The following GALNT13 variants were observed in gnomAD, a reference collection of about 807,000 sequenced individuals.
The protein encoded by GALNT13 is polypeptide N-acetylgalactosaminyltransferase 13, also known as UDP-GalNAc:polypeptide N-acetylgalactosaminyltransferase 13.
Under a neutral mutation model 64.2 loss-of-function variants are expected in GALNT13, and 28 were observed. The ratio of observed to expected loss-of-function variants is 0.44; its 90% CI spans 0.32 to 0.60. GALNT13 has a LOEUF of 0.60. GALNT13 is among the 20% of genes least tolerant of loss of function. The pLI is 0.05. For synonymous variants in GALNT13, 214 were observed against 224.6 expected (o/e 0.95, Z 0.42); for missense variants, 577 against 669.8 (o/e 0.86, Z 1.53).
intron 12 of GALNT13, among the ~76,000 whole-genome samples, chr2:154,448,890 T>C (rs1218006388): frequency 2.6e-5 from 4 of 151,942 alleles, no homozygotes; most frequent in African/African-American, 9.7e-5. Flanking sequence ...AGGGATCTAA[T>C]AGAAGTATGC....
rs148941547 is a variant in GALNT13 at position 154,301,585 on chromosome 2, C to T, written c.1152C>T (p.Ser384=). ...DEFKDFFYII[S]PGVVKVDYGD... is the part of the protein sequence containing the mutation. ...TTAAAGATTTCTTCTACATCATATCCCCAGGTACACAATTCTGACATTTTT... is the reference window on the plus strand; with the variant it reads ...TTAAAGATTTCTTCTACATCATATCTCCAGGTACACAATTCTGACATTTTT... The change falls in exon 9 of 13, where the codon TCC becomes TCT. Residue 384 remains serine (S), a synonymous_variant. Coordinates refer to ENST00000392825, the MANE Select transcript of GALNT13 (RefSeq NM_052917.4). 7.2e-4 allele frequency: 1,153 copies of T among 1,598,656 alleles called. 14 individuals are homozygous for T. The highest frequency in any genetic ancestry group is 4.1e-3 in the South Asian group (365 of 89,860).
chr2:153,855,296 A>G, the GALNT13 span, among the ~76,000 whole-genome samples: 1 of 152,214 alleles, frequency 6.6e-6, no homozygotes, highest in Non-Finnish European at 1.5e-5. Context: ...TAGGGAAAAT[A>G]TTCCTTAAAT....
intron 4 of GALNT13, among the ~76,000 whole-genome samples, chr2:154,162,019 G>A (rs891895073): frequency 3.3e-5 from 5 of 152,138 alleles, no homozygotes; most frequent in Non-Finnish European, 7.4e-5. Context: ...CTGACCTTGT[G>A]ATCCGCCCGT....
At chr2:154,004,346 C>T (rs1696112350) in intron 3 of GALNT13, among the ~76,000 whole-genome samples, 1 of 152,078 alleles carries the variant, frequency 6.6e-6, no homozygotes, top group Non-Finnish European at 1.5e-5. Flanking sequence ...GCTGGGACTA[C>T]AGGCATGCAT....
At chr2:154,222,103 T>C (rs1688355313) in intron 4 of GALNT13, among the ~76,000 whole-genome samples, 1 of 152,170 alleles carries the variant, frequency 6.6e-6, no homozygotes, top group African/African-American at 2.4e-5. Context: ...ATTTATTCTT[T>C]ACATACCATT....
intron 3 of GALNT13, among the ~76,000 whole-genome samples, chr2:153,988,505 CT>C (rs1469787116): frequency 7.2e-5 from 11 of 151,960 alleles, no homozygotes; most frequent in South Asian, 2.1e-4. Flanking sequence ...GTAAAATATC[CT>C]TTTTTTGAGG....
At chr2:153,889,829 C>T (rs761665266) in intron 1 of GALNT13, among the ~76,000 whole-genome samples, 2 of 151,952 alleles carry the variant, frequency 1.3e-5, no homozygotes, top group Admixed American at 6.6e-5. Flanking sequence ...TCAGGCACTT[C>T]CAATTTATTG....
chr2:154,145,090 ATC>A (rs199930258), intron 4 of GALNT13, among the ~76,000 whole-genome samples: 15 of 120,544 alleles, frequency 1.2e-4, no homozygotes, highest in Non-Finnish European at 1.7e-4. Flanking sequence ...CTATCTATCT[ATC>A]TATCTATCTA....
At chr2:153,991,862 A>C (rs1208625177) in intron 3 of GALNT13, among the ~76,000 whole-genome samples, 2 of 152,116 alleles carry the variant, frequency 1.3e-5, no homozygotes, top group Non-Finnish European at 2.9e-5. Flanking sequence ...GTTGTTTTGG[A>C]TCAGGGTGTT....
At chr2:154,237,411 T>A (rs1247249380) in intron 4 of GALNT13, among the ~76,000 whole-genome samples, 1 of 151,358 alleles carries the variant, frequency 6.6e-6, no homozygotes, top group Non-Finnish European at 1.5e-5. Context: ...TTGTTTTGTT[T>A]TAAGTACTTA....
At chr2:154,368,372 T>TAGAGA (rs1253869974) in intron 9 of GALNT13, among the ~76,000 whole-genome samples, 2 of 152,138 alleles carry the variant, frequency 1.3e-5, no homozygotes, top group Non-Finnish European at 2.9e-5. Context: ...CACCCCTCTC[T>TAGAGA]GGGGTGTGAC....
chr2:153,296,048 G>C, the GALNT13 span, among the ~76,000 whole-genome samples: 2 of 152,134 alleles, frequency 1.3e-5, no homozygotes, highest in African/African-American at 4.8e-5. Context: ...TATGGAAAAT[G>C]CTGCTCCGCT....
intron 3 of GALNT13, among the ~76,000 whole-genome samples, chr2:154,103,449 T>C (rs1702451601): frequency 6.6e-6 from 1 of 152,218 alleles, no homozygotes. Context: ...TGCTTTCTTA[T>C]AGTCCATGTT....
At chr2:153,224,030 A>G in the GALNT13 span, among the ~76,000 whole-genome samples, 25 of 152,260 alleles carry the variant, frequency 1.6e-4, no homozygotes, top group East Asian at 2.7e-3. Context: ...AGCAGTGCTT[A>G]AAGGGAAATG....
intron 4 of GALNT13, among the ~76,000 whole-genome samples, chr2:154,212,774 A>G (rs1687848157): frequency 6.6e-6 from 1 of 152,032 alleles, no homozygotes; most frequent in Admixed American, 6.6e-5. Flanking sequence ...GCCTAGAGAA[A>G]TAATCTGGTG....
At chr2:153,912,052 T>A (rs1023351860) in intron 2 of GALNT13, among the ~76,000 whole-genome samples, 6 of 152,196 alleles carry the variant, frequency 3.9e-5, no homozygotes, top group Admixed American at 3.9e-4. Flanking sequence ...ATGTCATAGA[T>A]TTGGTCTCTT....
At chr2:153,536,123 C>A in the GALNT13 span, among the ~76,000 whole-genome samples, 2 of 152,152 alleles carry the variant, frequency 1.3e-5, no homozygotes, top group Non-Finnish European at 2.9e-5. Flanking sequence ...AAAATAGTTC[C>A]TTTTCTCCTC....
chr2:153,953,090 C>A (rs984684568), intron 3 of GALNT13, among the ~76,000 whole-genome samples: 2 of 152,108 alleles, frequency 1.3e-5, no homozygotes, highest in Non-Finnish European at 2.9e-5. Context: ...AACACACACA[C>A]ACATACACCC....
At chr2:153,073,056 C>A in the GALNT13 span, among the ~76,000 whole-genome samples, 1 of 151,904 alleles carries the variant, frequency 6.6e-6, no homozygotes, top group Non-Finnish European at 1.5e-5. Flanking sequence ...GCTTTTGACA[C>A]ATGCTCTCAT....
Sources: gnomAD v4.1 joint callset for allele counts (sites outside exome capture counted in the v4.1 genomes callset) on GRCh38, gnomAD v4.1.1 for gene constraint, MANE v1.5 for transcripts, NCBI Gene and HGNC (gene_info 2026-07-23, HGNC 2026-07-21) for gene names.